PABPC4L: variants seen among roughly 807,000 people sequenced by gnomAD.
PABPC4L encodes the protein poly(A) binding protein cytoplasmic 4 like.
For missense variants in PABPC4L, 452 were observed against 451.4 expected, an observed-to-expected ratio of 1.00 and a Z score of -0.01; for synonymous variants, 169 against 164.1, an observed-to-expected ratio of 1.03 and a Z score of -0.23.
the PABPC4L span, among the ~76,000 whole-genome samples, chr4:134,049,715 C>T: frequency 1.3e-5 from 2 of 152,140 alleles, no homozygotes; most frequent in Non-Finnish European, 2.9e-5. Flanking sequence ...ATTGCATATT[C>T]TGTTTAGGAT....
chr4:134,026,230 T>C, the PABPC4L span, among the ~76,000 whole-genome samples: 1 of 146,006 alleles, frequency 6.8e-6, no homozygotes, highest in South Asian at 2.1e-4. Flanking sequence ...TATATTCAAA[T>C]AATTTTTGCG....
chr4:133,999,062 T>C, the PABPC4L span, among the ~76,000 whole-genome samples: 3 of 152,046 alleles, frequency 2.0e-5, no homozygotes, highest in Admixed American at 2.0e-4. Context: ...TCTGAACATA[T>C]AGACCTTGCT....
At chr4:134,155,520 A>G in the PABPC4L span, among the ~76,000 whole-genome samples, 1 of 151,772 alleles carries the variant, frequency 6.6e-6, no homozygotes, top group African/African-American at 2.4e-5. Context: ...CCATTGCTCT[A>G]TCCTCTATAC....
the PABPC4L span, among the ~76,000 whole-genome samples, chr4:134,154,559 T>C: frequency 6.6e-6 from 1 of 152,176 alleles, no homozygotes; most frequent in Non-Finnish European, 1.5e-5. Flanking sequence ...CATTGATTCC[T>C]CTATAAACAT....
chr4:134,045,399 T>G, the PABPC4L span, among the ~76,000 whole-genome samples: 1 of 152,294 alleles, frequency 6.6e-6, no homozygotes, highest in African/African-American at 2.4e-5. Context: ...AATTCCATCT[T>G]TAGATACCTT....
chr4:134,190,703 G>C, the PABPC4L span, among the ~76,000 whole-genome samples: 1 of 152,106 alleles, frequency 6.6e-6, no homozygotes, highest in East Asian at 1.9e-4. Context: ...CCAGGCTGGA[G>C]AGGTGTGGTG....
chr4:133,964,869 T>C, the PABPC4L span, among the ~76,000 whole-genome samples: 12 of 152,084 alleles, frequency 7.9e-5, no homozygotes, highest in African/African-American at 2.9e-4. Context: ...TTATACTGAA[T>C]GGGGAAAAGT....
chr4:133,992,109 T>TC, the PABPC4L span, among the ~76,000 whole-genome samples: 2 of 152,084 alleles, frequency 1.3e-5, no homozygotes, highest in Admixed American at 6.5e-5. Flanking sequence ...GGATGTCCCA[T>TC]CCCCCCATTG....
chr4:134,137,289 G>T, the PABPC4L span, among the ~76,000 whole-genome samples: 1 of 151,818 alleles, frequency 6.6e-6, no homozygotes, highest in African/African-American at 2.4e-5. Flanking sequence ...ATATTAATAA[G>T]AATCTGGGAT....
the PABPC4L span, among the ~76,000 whole-genome samples, chr4:134,173,350 T>C: frequency 6.6e-6 from 1 of 151,982 alleles, no homozygotes; most frequent in Non-Finnish European, 1.5e-5. Context: ...AGTTAATAAA[T>C]GGGTTTAAAA....
At chr4:134,076,632 C>T in the PABPC4L span, among the ~76,000 whole-genome samples, 82 of 152,094 alleles carry the variant, frequency 5.4e-4, no homozygotes, top group African/African-American at 1.9e-3. Flanking sequence ...GTAATCTTTG[C>T]GGGCAAGTAA....
the PABPC4L span, among the ~76,000 whole-genome samples, chr4:134,166,276 T>C: frequency 1.3e-5 from 2 of 152,202 alleles, no homozygotes; most frequent in East Asian, 3.9e-4. Context: ...CCAAAGCTGT[T>C]GACATAAATA....
chr4:134,124,744 C>T, the PABPC4L span, among the ~76,000 whole-genome samples: 2 of 151,960 alleles, frequency 1.3e-5, no homozygotes, highest in Non-Finnish European at 2.9e-5. Flanking sequence ...CACAGGGTGG[C>T]CTGGTGCAAT....
At chr4:134,163,072 TGG>T in the PABPC4L span, among the ~76,000 whole-genome samples, 1 of 151,906 alleles carries the variant, frequency 6.6e-6, no homozygotes, top group Non-Finnish European at 1.5e-5. Context: ...AACAAAAAGG[TGG>T]TTCTTATAAA....
the PABPC4L span, among the ~76,000 whole-genome samples, chr4:134,114,095 T>G: frequency 6.6e-6 from 1 of 151,604 alleles, no homozygotes; most frequent in South Asian, 2.1e-4. Flanking sequence ...AAACTTCTGC[T>G]TGAAACGGGG....
chr4:134,087,131 G>A, the PABPC4L span, among the ~76,000 whole-genome samples: 952 of 152,076 alleles, frequency 6.3e-3, 7 homozygotes, highest in African/African-American at 0.022. Flanking sequence ...ACATGCACAC[G>A]TATGTTTATT....
the PABPC4L span, among the ~76,000 whole-genome samples, chr4:134,152,124 A>G: frequency 1.3e-5 from 2 of 151,780 alleles, no homozygotes; most frequent in Non-Finnish European, 2.9e-5. Context: ...AGAGATATTT[A>G]TTGTAACTAT....
chr4:133,981,896 A>G, the PABPC4L span, among the ~76,000 whole-genome samples: 1 of 152,106 alleles, frequency 6.6e-6, no homozygotes, highest in African/African-American at 2.4e-5. Flanking sequence ...TTATTATGCA[A>G]TTATTAACTT....
At chr4:134,034,336 G>A in the PABPC4L span, among the ~76,000 whole-genome samples, 11 of 151,882 alleles carry the variant, frequency 7.2e-5, no homozygotes, top group East Asian at 1.9e-4. Context: ...AGCTCTGACC[G>A]AGATGTACAA....
Sources: allele counts gnomAD v4.1 joint callset (sites outside exome capture counted in the v4.1 genomes callset), GRCh38; gene constraint gnomAD v4.1.1; transcripts MANE v1.5; gene names NCBI Gene and HGNC (gene_info 2026-07-23, HGNC 2026-07-21).